The following UBE2E2 variants were observed in gnomAD, a reference collection of about 807,000 sequenced individuals.
The protein encoded by UBE2E2 is ubiquitin-conjugating enzyme E2 E2.
Under a neutral mutation model 24.7 loss-of-function variants are expected in UBE2E2, and 6 were observed. The observed-to-expected ratio is 0.24, with a 90% confidence interval of 0.13 to 0.48. UBE2E2 has a LOEUF of 0.48. UBE2E2 is among the 20% of genes least tolerant of loss of function. The pLI is 0.99. For synonymous variants in UBE2E2, 104 were observed against 83.6 expected (o/e 1.24, Z -1.33); for missense variants, 169 against 245.0 (o/e 0.69, Z 2.07).
At chr3:23,297,762 T>C (rs1373551647) in intron 3 of UBE2E2, among the ~76,000 whole-genome samples, 1 of 152,194 alleles carries the variant, frequency 6.6e-6, no homozygotes, top group South Asian at 2.1e-4. Context: ...ATTGACTTGG[T>C]GATGGGGGCT....
intron 5 of UBE2E2, among the ~76,000 whole-genome samples, chr3:23,555,610 C>G (rs1425186958): frequency 4.6e-5 from 7 of 152,140 alleles, no homozygotes; most frequent in Admixed American, 1.3e-4. Context: ...GGGGAAAAAC[C>G]TAGGTGTCCA....
chr3:23,268,293 A>C (rs998900047), intron 3 of UBE2E2, among the ~76,000 whole-genome samples: 328 of 149,778 alleles, frequency 2.2e-3, no homozygotes, highest in Non-Finnish European at 3.8e-3. Context: ...ACATGATTGT[A>C]TATCTAGAAA....
intron 3 of UBE2E2, among the ~76,000 whole-genome samples, chr3:23,399,829 A>C (rs1313515482): frequency 4.6e-5 from 7 of 152,200 alleles, no homozygotes; most frequent in Non-Finnish European, 1.0e-4. Context: ...ATTTTTATTC[A>C]CATTAATATA....
At chr3:23,327,598 T>G (rs1694937863) in intron 3 of UBE2E2, among the ~76,000 whole-genome samples, 1 of 152,260 alleles carries the variant, frequency 6.6e-6, no homozygotes, top group African/African-American at 2.4e-5. Flanking sequence ...CAGGTTTGTT[T>G]GTGGCTGCAG....
At chr3:23,334,304 A>AT (rs112790988) in intron 3 of UBE2E2, among the ~76,000 whole-genome samples, 10,760 of 149,026 alleles carry the variant, frequency 0.072, 1,047 homozygotes, top group African/African-American at 0.22. Flanking sequence ...GATTTATTGT[A>AT]TTTTTTTTTT....
intron 4 of UBE2E2, among the ~76,000 whole-genome samples, chr3:23,506,222 T>C (rs1437934779): frequency 6.6e-6 from 1 of 152,232 alleles, no homozygotes. Context: ...TGCATTCATA[T>C]AAAGCTTGGC....
In UBE2E2 at chr3:23,400,607, A is replaced by AACACACACACACACACACACACACAC. The variant is rs3087043; in HGVS notation, c.228-98991_228-98966dup. Reference sequence around the variant, plus strand: ...GGTGGACAGAGAGGAGAATAAATGAAACACACACACACACACACACACACA... The same window carrying AACACACACACACACACACACACACAC: ...GGTGGACAGAGAGGAGAATAAATGAAACACACACACACACACACACACACACACACACACACACACACACACACACA... On this transcript the variant is annotated intron_variant, in intron 3 of 5. Transcript: ENST00000396703. Among the ~76,000 whole-genome samples, 3 of 137,836 alleles carry AACACACACACACACACACACACACAC rather than the reference A, an allele frequency of 2.2e-5. No individual in the cohort carries two copies. In the East Asian group the frequency reaches 6.5e-4, roughly 30 times the overall value. 90.4% of individuals were successfully genotyped at this position (137,836 alleles called of 152,430 possible).
At chr3:23,380,322 C>A (rs1239550888) in intron 3 of UBE2E2, among the ~76,000 whole-genome samples, 1 of 152,142 alleles carries the variant, frequency 6.6e-6, no homozygotes, top group East Asian at 1.9e-4. Context: ...AGGGCTCAAG[C>A]GATTTTTCTG....
chr3:23,389,531 C>T lies in UBE2E2; in HGVS notation c.228-110077C>T, dbSNP rs181999416. 671 of 182,700 alleles carry T rather than the reference C, an allele frequency of 3.7e-3. 6 individuals are homozygous for T. The highest frequency in any genetic ancestry group is 9.8e-3 in the Admixed American group (160 of 16,360). The allele number at this position is 182,700 out of a possible 1,614,324, so 11.3% of individuals were successfully genotyped here. On this transcript the variant is annotated intron_variant, in intron 3 of 5. Transcript: ENST00000396703. ...GTGCAGTGCTTTCTCCAAAGTTCTC[C>T]GAAGCAACCACTGAGTCTTTGAAAA...
At chr3:23,381,433 A>G (rs1440089807) in intron 3 of UBE2E2, among the ~76,000 whole-genome samples, 1 of 152,180 alleles carries the variant, frequency 6.6e-6, no homozygotes, top group Admixed American at 6.5e-5. Flanking sequence ...GAAGTGTCTC[A>G]GAAGAAGGTA....
At chr3:23,388,492 A>T (rs1279631913) in intron 3 of UBE2E2, among the ~76,000 whole-genome samples, 1 of 152,204 alleles carries the variant, frequency 6.6e-6, no homozygotes, top group East Asian at 1.9e-4. Context: ...TGGAAATATA[A>T]TTTTAAAGAA....
At chr3:23,336,448 A>G (rs1012831146) in intron 3 of UBE2E2, among the ~76,000 whole-genome samples, 2 of 152,244 alleles carry the variant, frequency 1.3e-5, no homozygotes, top group African/African-American at 4.8e-5. Flanking sequence ...TATTTCTTCA[A>G]TCACATGATA....
chr3:23,476,137 C>T (rs1327975174), intron 3 of UBE2E2, among the ~76,000 whole-genome samples: 3 of 152,150 alleles, frequency 2.0e-5, no homozygotes, highest in South Asian at 4.1e-4. Flanking sequence ...AGTGGATTTT[C>T]GTTCCCTTAC....
intron 3 of UBE2E2, among the ~76,000 whole-genome samples, chr3:23,332,271 T>C (rs1435884939): frequency 6.6e-6 from 1 of 152,030 alleles, no homozygotes; most frequent in African/African-American, 2.4e-5. Context: ...TCCTCCTGAG[T>C]AGCTGGGACT....
At chr3:23,448,110 G>GAAGTTTA (rs1294436686) in intron 3 of UBE2E2, among the ~76,000 whole-genome samples, 2 of 152,076 alleles carry the variant, frequency 1.3e-5, no homozygotes, top group Non-Finnish European at 2.9e-5. Context: ...CAGTTGTGAA[G>GAAGTTTA]AAGTTTTTAT....
intron 2 of UBE2E2, 56 bp from the exon 3 acceptor site, chr3:23,217,206 A>G: frequency 6.8e-7 from 1 of 1,464,076 alleles, no homozygotes; most frequent in Non-Finnish European, 9.5e-7. Flanking sequence ...TTAATGAAAT[A>G]AATTGTTAAG....
At chr3:23,252,261 A>G (rs951301353) in intron 3 of UBE2E2, among the ~76,000 whole-genome samples, 1 of 152,212 alleles carries the variant, frequency 6.6e-6, no homozygotes, top group African/African-American at 2.4e-5. Flanking sequence ...TGCATCTATG[A>G]ACTATACAGC....
chr3:23,278,854 G>A (rs1378798483), intron 3 of UBE2E2, among the ~76,000 whole-genome samples: 1 of 151,980 alleles, frequency 6.6e-6, no homozygotes, highest in Non-Finnish European at 1.5e-5. Flanking sequence ...CCAAACCTCG[G>A]CAGTAAAAAA....
intron 3 of UBE2E2, among the ~76,000 whole-genome samples, chr3:23,289,719 A>G (rs142742618): frequency 7.1e-4 from 108 of 152,312 alleles, no homozygotes; most frequent in African/African-American, 2.5e-3. Flanking sequence ...TTTTAAATGC[A>G]TGCTATTTAG....
Sources: gnomAD v4.1 joint callset for allele counts (sites outside exome capture counted in the v4.1 genomes callset) on GRCh38, gnomAD v4.1.1 for gene constraint, MANE v1.5 for transcripts, NCBI Gene and HGNC (gene_info 2026-07-23, HGNC 2026-07-21) for gene names.